ELAPOR2: variants seen among roughly 807,000 people sequenced by gnomAD.
The protein encoded by ELAPOR2 is endosome-lysosome associated apoptosis and autophagy regulator family member 2.
In ELAPOR2, 89 loss-of-function variants were observed where a neutral mutation model predicts 120.7. The observed-to-expected ratio is 0.74, with a 90% CI of 0.62 to 0.88. ELAPOR2 has a LOEUF of 0.88. Ranked by LOEUF, ELAPOR2 falls within the 40% of genes least tolerant of loss-of-function variation. ELAPOR2 has a pLI of 0.00. For missense variants in ELAPOR2, 1,134 were observed against 1,251.6 expected (o/e 0.91, Z 1.42); for synonymous variants, 444 against 444.9 (o/e 1.00, Z 0.03).
At chr7:87,042,892 G>T (rs182839739) in intron 1 of ELAPOR2, among the ~76,000 whole-genome samples, 1 of 151,926 alleles carries the variant, frequency 6.6e-6, no homozygotes, top group East Asian at 1.9e-4. Context: ...AAAGAGAGAG[G>T]AATCAAATAG....
chr7:87,043,139 A>G (rs556827805), intron 1 of ELAPOR2, among the ~76,000 whole-genome samples: 1 of 151,916 alleles, frequency 6.6e-6, no homozygotes, highest in Non-Finnish European at 1.5e-5. Context: ...AACGAAAAAG[A>G]GTCCAGGACC....
intron 1 of ELAPOR2, among the ~76,000 whole-genome samples, chr7:86,996,434 A>G (rs976159630): frequency 3.3e-5 from 5 of 152,198 alleles, no homozygotes; most frequent in Admixed American, 3.3e-4. Context: ...AGAGGAATGG[A>G]TATTTGAGGA....
intron 1 of ELAPOR2, among the ~76,000 whole-genome samples, chr7:87,023,702 G>A (rs1467475438): frequency 6.6e-6 from 1 of 152,134 alleles, no homozygotes; most frequent in Admixed American, 6.5e-5. Context: ...CATGAGCATG[G>A]AATGTTCTTC....
chr7:86,982,383 G>A (rs766562027), intron 1 of ELAPOR2, among the ~76,000 whole-genome samples: 3 of 152,228 alleles, frequency 2.0e-5, no homozygotes, highest in Non-Finnish European at 4.4e-5. Context: ...CCTCCGTGTA[G>A]CCTTACTGGG....
chr7:87,006,688 T>G (rs116445473), intron 1 of ELAPOR2, among the ~76,000 whole-genome samples: 2,373 of 152,252 alleles, frequency 0.016, 60 homozygotes, highest in African/African-American at 0.054. Flanking sequence ...GGTCCAGCCA[T>G]TCTACTCAAG....
At chr7:86,917,758 C>T (rs193297486) in intron 12 of ELAPOR2, among the ~76,000 whole-genome samples, 79 of 151,954 alleles carry the variant, frequency 5.2e-4, no homozygotes, top group African/African-American at 1.1e-3. Flanking sequence ...TTACATATCA[C>T]GGAGAAAACT....
At chr7:86,970,284 A>G (rs1792061814) in intron 1 of ELAPOR2, among the ~76,000 whole-genome samples, 1 of 152,208 alleles carries the variant, frequency 6.6e-6, no homozygotes, top group Non-Finnish European at 1.5e-5. Context: ...AGCAGAGAAA[A>G]TGCTGGTACC....
chr7:87,032,688 C>G (rs767506491), intron 1 of ELAPOR2, among the ~76,000 whole-genome samples: 6 of 152,178 alleles, frequency 3.9e-5, no homozygotes, highest in Non-Finnish European at 5.9e-5. Flanking sequence ...GAACCACAGA[C>G]AGCTCTGTTT....
chr7:86,900,797 A>C (rs1788684849), intron 18 of ELAPOR2, among the ~76,000 whole-genome samples: 1 of 152,190 alleles, frequency 6.6e-6, no homozygotes. Context: ...ATGAACCAAT[A>C]ATAATTTGAA....
rs1020312684 is a variant in ELAPOR2 at position 87,059,426 on chromosome 7, T to G, written c.88A>C (p.Ser30Arg). ...APRRGRSPPW[S>R]PAWICCWALA... is the part of the protein sequence containing the mutation. Reference sequence around the variant, plus strand: ...GCCCAGCAGCAAATCCAGGCGGGGCTCCAGGGCGGCGAGCGCCCGCGGCGG... The same window carrying G: ...GCCCAGCAGCAAATCCAGGCGGGGCGCCAGGGCGGCGAGCGCCCGCGGCGG... Residue 30 changes from serine (S) to arginine (R), a missense_variant, in exon 1 of 22, where the codon AGC (serine) becomes CGC (arginine). Transcript: ENST00000450689. The G allele has an allele frequency of 5.7e-5, 70 of 1,235,890 alleles. No individual in the cohort carries two copies. The highest frequency in any genetic ancestry group is 7.0e-5 in the Non-Finnish European group (69 of 985,800). 76.6% of individuals were successfully genotyped at this position (1,235,890 alleles called of 1,614,324 possible).
intron 21 of ELAPOR2, among the ~76,000 whole-genome samples, chr7:86,886,520 T>A (rs960760763): frequency 5.9e-5 from 9 of 152,116 alleles, no homozygotes; most frequent in Non-Finnish European, 8.8e-5. Flanking sequence ...ACTCATTACC[T>A]CTTGATATGG....
At chr7:86,975,060 T>C (rs1033284948) in intron 1 of ELAPOR2, among the ~76,000 whole-genome samples, 1 of 152,072 alleles carries the variant, frequency 6.6e-6, no homozygotes, top group Non-Finnish European at 1.5e-5. Flanking sequence ...TAAAGAAAAG[T>C]GGGAATAGTC....
At position 86,913,461 on chromosome 7, in the gene ELAPOR2, T is replaced by C. The variant is rs572498174; in HGVS notation, c.1732-257A>G. Among the ~76,000 whole-genome samples the C allele has an allele frequency of 1.3e-4, 20 of 152,342 alleles. No individual in the cohort carries two copies. In the East Asian group the frequency reaches 3.3e-3, roughly 25 times the overall value. On this transcript the variant is annotated intron_variant, in intron 13 of 21. Coordinates refer to ENST00000450689, the MANE Select transcript of ELAPOR2 (RefSeq NM_001142749.3). ...TTACTGTGAGATCTGTCACAATTAG[T>C]ATAAATTAGGATGCAATTATAGACC...
intron 1 of ELAPOR2, among the ~76,000 whole-genome samples, chr7:86,993,234 C>CAAAAAAAAAAAAAAAAAAAAAA (rs1159917841): frequency 3.5e-5 from 2 of 57,124 alleles, no homozygotes; most frequent in African/African-American, 1.2e-4. Flanking sequence ...GACTCCATCT[C>CAAAAAAAAAAAAAAAAAAAAAA]AAAAAAAAAA....
intron 8 of ELAPOR2, among the ~76,000 whole-genome samples, chr7:86,931,031 G>A (rs974590872): frequency 2.0e-5 from 3 of 151,826 alleles, no homozygotes; most frequent in African/African-American, 7.3e-5. Context: ...AAAACATGAA[G>A]GGGATACAAA....
intron 9 of ELAPOR2, 69 bp downstream of exon 9, chr7:86,926,663 TAGAA>T: frequency 7.3e-7 from 1 of 1,375,310 alleles, no homozygotes; most frequent in Non-Finnish European, 9.8e-7. Context: ...AAAAACAATT[TAGAA>T]AATGGTCACA....
chr7:86,895,707 T>G (rs2115879080), intron 19 of ELAPOR2, among the ~76,000 whole-genome samples: 1 of 152,278 alleles, frequency 6.6e-6, no homozygotes, highest in South Asian at 2.1e-4. Context: ...TTTACTGTCT[T>G]AACCTTCTCA....
intron 5 of ELAPOR2, among the ~76,000 whole-genome samples, chr7:86,940,331 C>A (rs2116338394): frequency 6.6e-6 from 1 of 152,010 alleles, no homozygotes; most frequent in East Asian, 1.9e-4. Context: ...ATACATTAAA[C>A]AGAAAAGAAG....
intron 8 of ELAPOR2, among the ~76,000 whole-genome samples, chr7:86,932,620 G>A (rs757459302): frequency 6.6e-6 from 1 of 151,838 alleles, no homozygotes; most frequent in Non-Finnish European, 1.5e-5. Context: ...CTTTTGTAGT[G>A]GATATGAGAC....
Sources: gnomAD v4.1 joint callset for allele counts (sites outside exome capture counted in the v4.1 genomes callset) on GRCh38, gnomAD v4.1.1 for gene constraint, MANE v1.5 for transcripts, NCBI Gene and HGNC (gene_info 2026-07-23, HGNC 2026-07-21) for gene names.